Variants in RIN3 observed in about 807,000 individuals in gnomAD.
The protein encoded by RIN3 is RAB5 interacting protein 3.
RIN3 carries 54 observed loss-of-function variants against 76.3 expected under a neutral mutation model. The ratio of observed to expected loss-of-function variants is 0.71; its 90% CI spans 0.57 to 0.89. RIN3 has a LOEUF of 0.89. Ranked by LOEUF, RIN3 falls within the 40% of genes least tolerant of loss-of-function variation. The pLI, the probability that RIN3 is intolerant of heterozygous loss-of-function variation, is 0.00. For missense variants in RIN3, 1,256 were observed against 1,322.1 expected (o/e 0.95, Z 0.78); for synonymous variants, 576 against 564.0 (o/e 1.02, Z -0.30).
intron 2 of RIN3, among the ~76,000 whole-genome samples, chr14:92,557,793 C>T (rs1897638176): frequency 6.6e-6 from 1 of 152,218 alleles, no homozygotes; most frequent in South Asian, 2.1e-4. Flanking sequence ...TCCCCAGTTC[C>T]CCTGGTAGGT....
chr14:92,576,102 G>A (rs1293450557), intron 2 of RIN3: 2 of 627,250 alleles, frequency 3.2e-6, no homozygotes, highest in Non-Finnish European at 4.7e-6. Flanking sequence ...CATGGACCAA[G>A]TCCTTCCCCT....
chr14:92,575,236 G>T (rs2140056509), intron 2 of RIN3, among the ~76,000 whole-genome samples: 1 of 152,228 alleles, frequency 6.6e-6, no homozygotes, highest in Admixed American at 6.5e-5. Flanking sequence ...CAGCAGAATT[G>T]GGATATCACC....
chr14:92,515,068 AC>A lies in RIN3; in HGVS notation c.44+1093del, dbSNP rs1407144292. 1.1e-5 allele frequency: 6 copies of A among 571,318 alleles called. No individual in the cohort carries two copies. In the Admixed American group the frequency reaches 1.9e-4, roughly 18 times the overall value. The allele number at this position is 571,318 out of a possible 1,614,324, so 35.4% of individuals were successfully genotyped here. On this transcript the variant is annotated intron_variant, in intron 1 of 9. Coordinates refer to ENST00000216487, the MANE Select transcript of RIN3 (RefSeq NM_024832.5). Reference sequence around the variant, plus strand: ...CTGAACTGGGGGACAGCTGGAGGTGACTGGCTCTCACTCAGCTGGGAGGGAC... The same window carrying A: ...CTGAACTGGGGGACAGCTGGAGGTGATGGCTCTCACTCAGCTGGGAGGGAC...
rs1281900450 is a variant in RIN3 at position 92,555,800 on chromosome 14, A to G, written c.94A>G (p.Met32Val). ...KGEEEEEEDGMRLCLPANPKN... is the reference protein window; with the variant it reads ...KGEEEEEEDGVRLCLPANPKN... ...AGAGGAAGAGGAAGAGGAAGATGGC[A>G]TGCGGCTTTGTCTGCCAGCCAACCC... The change falls in exon 2 of 10, where the codon ATG becomes GTG. Residue 32 changes from methionine (M) to valine (V), a missense_variant. Physicochemically the swap from Met to Val is conservative, Grantham distance 21. Transcript: ENST00000216487. The G allele has an allele frequency of 1.9e-6, 3 of 1,614,072 alleles. No homozygotes were observed. The highest frequency in any genetic ancestry group is 2.7e-5 in the African/African-American group (2 of 74,920).
intron 3 of RIN3, among the ~76,000 whole-genome samples, chr14:92,594,613 G>A (rs897507711): frequency 2.6e-5 from 4 of 152,142 alleles, no homozygotes; most frequent in South Asian, 4.1e-4. Context: ...ATACTTTGAC[G>A]TAAATGAAAA....
intron 7 of RIN3, among the ~76,000 whole-genome samples, chr14:92,670,630 G>A (rs983105704): frequency 2.6e-5 from 4 of 152,194 alleles, no homozygotes; most frequent in African/African-American, 7.2e-5. Flanking sequence ...TCTCACCAAC[G>A]TCAACAGCCA....
chr14:92,573,550 C>T (rs1264099630), intron 2 of RIN3, among the ~76,000 whole-genome samples: 1 of 152,188 alleles, frequency 6.6e-6, no homozygotes, highest in Non-Finnish European at 1.5e-5. Context: ...GCCAGCACCT[C>T]CCTTGAATCT....
chr14:92,567,812 A>G (rs1170987155), intron 2 of RIN3, among the ~76,000 whole-genome samples: 1 of 152,148 alleles, frequency 6.6e-6, no homozygotes, highest in African/African-American at 2.4e-5. Context: ...AAGCATAGTA[A>G]TAATCCTATT....
intron 2 of RIN3, among the ~76,000 whole-genome samples, chr14:92,564,740 T>C (rs184258938): frequency 7.9e-5 from 12 of 152,114 alleles, no homozygotes; most frequent in Admixed American, 2.6e-4. Context: ...GTTTGTACAA[T>C]TGATGGAAGA....
chr14:92,597,772 C>T (rs1490591743), intron 3 of RIN3, among the ~76,000 whole-genome samples: 2 of 152,152 alleles, frequency 1.3e-5, no homozygotes, highest in African/African-American at 2.4e-5. Context: ...ACAAGAAGCC[C>T]GCTCTGTGTA....
intron 3 of RIN3, among the ~76,000 whole-genome samples, chr14:92,588,375 G>T (rs1884856728): frequency 6.6e-6 from 1 of 151,926 alleles, no homozygotes; most frequent in Non-Finnish European, 1.5e-5. Context: ...TTACAGGCAT[G>T]TGCCGCCGCC....
chr14:92,569,268 C>T lies in RIN3; in HGVS notation c.250-8092C>T, dbSNP rs567734054. On this transcript the variant is annotated intron_variant, in intron 2 of 9. Transcript: ENST00000216487. ...AGCCTGAGACCAGGAGACAGAAGCA[C>T]AAAACCAGCTGCGGGTGGGGTGAGT... Among the ~76,000 whole-genome samples the T allele has an allele frequency of 3.9e-5, 6 of 152,336 alleles. No individual in the cohort carries two copies. The South Asian group carries it at 1.2e-3, about 32-fold the overall frequency.
intron 4 of RIN3, among the ~76,000 whole-genome samples, chr14:92,637,846 G>T (rs1201542815): frequency 1.3e-5 from 2 of 152,142 alleles, no homozygotes; most frequent in African/African-American, 2.4e-5. Flanking sequence ...TTTTATATTG[G>T]TATAGATTTT....
intron 7 of RIN3, among the ~76,000 whole-genome samples, chr14:92,670,523 C>T (rs12434515): frequency 1.1e-4 from 17 of 152,294 alleles, no homozygotes; most frequent in African/African-American, 4.1e-4. Flanking sequence ...GAGGGCAGCC[C>T]TAACTGCCAA....
At chr14:92,641,185 G>A in intron 4 of RIN3, 53 bp from the exon 5 acceptor site, 1 of 1,367,290 alleles carries the variant, frequency 7.3e-7, no homozygotes. Flanking sequence ...TGTGGAGGCT[G>A]GGAATGGACA....
At chr14:92,555,281 T>A (rs764816766) in intron 1 of RIN3, among the ~76,000 whole-genome samples, 35 of 152,230 alleles carry the variant, frequency 2.3e-4, no homozygotes, top group Non-Finnish European at 4.0e-4. Context: ...TCTGTTGAAC[T>A]GTGCTTCTGT....
At position 92,673,931 on chromosome 14, in the gene RIN3, A is replaced by G. The variant is rs182513712; in HGVS notation, c.2336-2544A>G. On this transcript the variant is annotated intron_variant, in intron 7 of 9. Transcript: ENST00000216487. ...ACATACGTTTGTGACGGCTGACAGT[A>G]GAAAGCAAACAGATTGGCAACCAGA... Among the ~76,000 whole-genome samples the G allele has an allele frequency of 1.9e-3, 293 of 152,360 alleles. 2 individuals carry two copies. Among genetic ancestry groups the G allele is most frequent in the African/African-American group, 6.6e-3 (275 of 41,576 alleles).
At chr14:92,554,776 A>G (rs1176953925) in intron 1 of RIN3, among the ~76,000 whole-genome samples, 1 of 152,166 alleles carries the variant, frequency 6.6e-6, no homozygotes, top group African/African-American at 2.4e-5. Context: ...TACAAAAATT[A>G]GCCGGGCATG....
chr14:92,612,262 G>T (rs184396214), intron 3 of RIN3, among the ~76,000 whole-genome samples: 18 of 152,174 alleles, frequency 1.2e-4, no homozygotes, highest in Non-Finnish European at 1.5e-5. Flanking sequence ...TGTGGCCTAG[G>T]AACCCACAGG....
Sources: gnomAD v4.1 joint callset for allele counts (sites outside exome capture counted in the v4.1 genomes callset) on GRCh38, gnomAD v4.1.1 for gene constraint, MANE v1.5 for transcripts, NCBI Gene and HGNC (gene_info 2026-07-23, HGNC 2026-07-21) for gene names.